The following CEP128 variants were observed in gnomAD, a reference collection of about 807,000 sequenced individuals.
The protein encoded by CEP128 is centrosomal protein 128kDa.
CEP128 carries 132 observed loss-of-function variants against 156.7 expected under a neutral mutation model. That is an observed-to-expected ratio of 0.84 (90% CI 0.73 to 0.97). The LOEUF (loss-of-function observed/expected upper bound fraction) is 0.97, where lower values mean the gene tolerates loss of function less well. CEP128 is among the 50% of genes least tolerant of loss of function. The pLI, the probability that CEP128 is intolerant of heterozygous loss-of-function variation, is 0.00. For missense variants in CEP128, 1,252 were observed against 1,281.9 expected (o/e 0.98, Z 0.36); for synonymous variants, 469 against 448.9 (o/e 1.04, Z -0.57).
chr14:80,662,252 T>C (rs150880340), intron 19 of CEP128, among the ~76,000 whole-genome samples: 2 of 152,318 alleles, frequency 1.3e-5, no homozygotes, highest in Admixed American at 6.5e-5. Context: ...TTACATGTTT[T>C]ATAGTGGCAA....
intron 19 of CEP128, among the ~76,000 whole-genome samples, chr14:80,718,514 T>C (rs750428077): frequency 1.3e-5 from 2 of 152,188 alleles, no homozygotes; most frequent in Admixed American, 6.5e-5. Flanking sequence ...ATATTTTACC[T>C]CTCTAGGTTT....
chr14:80,710,202 G>A (rs2139406253), intron 19 of CEP128, among the ~76,000 whole-genome samples: 1 of 152,024 alleles, frequency 6.6e-6, no homozygotes, highest in East Asian at 1.9e-4. Flanking sequence ...TTACCAAAGG[G>A]TTTAGAACAG....
intron 6 of CEP128, 24 bp from the exon 7 acceptor site, chr14:80,900,053 T>C (rs763073900): frequency 3.3e-6 from 5 of 1,493,930 alleles, no homozygotes; most frequent in East Asian, 4.5e-5. Context: ...AACACAGTTA[T>C]CCATTTAGAA....
intron 19 of CEP128, among the ~76,000 whole-genome samples, chr14:80,731,125 C>T (rs1343300871): frequency 6.6e-6 from 1 of 152,172 alleles, no homozygotes; most frequent in Non-Finnish European, 1.5e-5. Flanking sequence ...AACTTGATCT[C>T]TTTAAAAGTT....
chr14:80,943,966 C>G (rs1477771316), upstream of CEP128, among the ~76,000 whole-genome samples: 7 of 150,028 alleles, frequency 4.7e-5, no homozygotes, highest in East Asian at 1.4e-3. Flanking sequence ...TGCACTCCAG[C>G]CTTGGTGACA....
intron 22 of CEP128, among the ~76,000 whole-genome samples, 193 bp downstream of exon 22, chr14:80,530,616 C>T (rs1889180030): frequency 6.6e-6 from 1 of 152,202 alleles, no homozygotes; most frequent in African/African-American, 2.4e-5. Context: ...CTATCTTGTG[C>T]TAATACATAA....
At chr14:80,886,139 C>A (rs1888787121) in intron 8 of CEP128, among the ~76,000 whole-genome samples, 1 of 151,886 alleles carries the variant, frequency 6.6e-6, no homozygotes, top group Non-Finnish European at 1.5e-5. Flanking sequence ...GTGAAAAGAC[C>A]AAACCTATGT....
chr14:80,859,523 T>G (rs952370042), intron 9 of CEP128, among the ~76,000 whole-genome samples: 24 of 151,822 alleles, frequency 1.6e-4, no homozygotes, highest in Admixed American at 2.6e-4. Flanking sequence ...ATTGTGCACA[T>G]GTACCCTAAA....
chr14:80,493,934 C>A (rs150306192), downstream of CEP128, among the ~76,000 whole-genome samples: 1 of 152,174 alleles, frequency 6.6e-6, no homozygotes, highest in Non-Finnish European at 1.5e-5. Context: ...TCAAAAGCTA[C>A]GGTGACTTTT....
intron 20 of CEP128, among the ~76,000 whole-genome samples, chr14:80,563,623 T>G (rs1890789073): frequency 7.4e-6 from 1 of 134,384 alleles, no homozygotes; most frequent in Non-Finnish European, 1.5e-5. Flanking sequence ...AACCTCCACC[T>G]CTTGGATTTA....
At chr14:80,836,364 C>T (rs1216509376) in intron 11 of CEP128, 27 bp from the exon 12 acceptor site, 7 of 1,612,956 alleles carry the variant, frequency 4.3e-6, no homozygotes, top group Middle Eastern at 1.7e-4. Flanking sequence ...AATCAAACAT[C>T]GGTTTTCACA....
intron 8 of CEP128, among the ~76,000 whole-genome samples, chr14:80,866,261 GT>G (rs1164758346): frequency 2.6e-5 from 4 of 152,200 alleles, no homozygotes; most frequent in African/African-American, 9.6e-5. Flanking sequence ...TCTCACCACA[GT>G]GCCAGACCAG....
At chr14:80,496,253 A>G (rs1887490561), downstream of CEP128, among the ~76,000 whole-genome samples, 1 of 152,190 alleles carries the variant, frequency 6.6e-6, no homozygotes, top group African/African-American at 2.4e-5. Flanking sequence ...CATGATAAAA[A>G]TGCATAGCTA....
intron 19 of CEP128, among the ~76,000 whole-genome samples, chr14:80,639,997 A>T (rs947582111): frequency 6.6e-6 from 1 of 152,186 alleles, no homozygotes; most frequent in Non-Finnish European, 1.5e-5. Flanking sequence ...AATGAAATTT[A>T]TAGTAACCAG....
At chr14:80,527,297 G>A (rs771122846) in intron 22 of CEP128, 7 of 447,590 alleles carry the variant, frequency 1.6e-5, no homozygotes, top group South Asian at 8.1e-5. Context: ...AGATATGGTG[G>A]TGCATGGCTG....
chr14:80,895,799 A>AAAAG lies in CEP128; in HGVS notation c.573-10_573-9insCTTT. ...TTGTTTCGGCATCTGACCTAGGAAGAAAAAAAAAAAAAAGATTTAAATTTG... is the reference window on the plus strand; with the variant it reads ...TTGTTTCGGCATCTGACCTAGGAAGAAAAGAAAAAAAAAAAAAGATTTAAATTTG... On this transcript the variant is annotated splice_polypyrimidine_tract_variant and intron_variant, in intron 7 of 24. Transcript: ENST00000555265. The AAAAG allele has an allele frequency of 4.3e-6, 3 of 691,418 alleles. No homozygotes were observed. Among genetic ancestry groups the AAAAG allele is most frequent in the South Asian group, 2.7e-5 (1 of 37,124 alleles). The allele number at this position is 691,418 out of a possible 1,614,324, so 42.8% of individuals were successfully genotyped here.
At chr14:80,486,017 T>C (rs1887156307), downstream of CEP128, among the ~76,000 whole-genome samples, 1 of 152,222 alleles carries the variant, frequency 6.6e-6, no homozygotes, top group South Asian at 2.1e-4. Flanking sequence ...TTGGTTTTGT[T>C]ATTTATGCAA....
chr14:80,799,256 A>C (rs561559723), intron 13 of CEP128, among the ~76,000 whole-genome samples: 1 of 152,340 alleles, frequency 6.6e-6, no homozygotes, highest in South Asian at 2.1e-4. Context: ...TGAAGATTTC[A>C]TGGACATTTA....
At chr14:80,884,778 C>G (rs1888717616) in intron 8 of CEP128, among the ~76,000 whole-genome samples, 1 of 152,124 alleles carries the variant, frequency 6.6e-6, no homozygotes, top group African/African-American at 2.4e-5. Flanking sequence ...TCTTTTGTAG[C>G]CCAGTGGTGC....
Sources: allele counts gnomAD v4.1 joint callset (sites outside exome capture counted in the v4.1 genomes callset), GRCh38; gene constraint gnomAD v4.1.1; transcripts MANE v1.5; gene names NCBI Gene and HGNC (gene_info 2026-07-23, HGNC 2026-07-21).